Variants in HLCS observed in about 807,000 individuals in gnomAD.
The protein encoded by HLCS is holocarboxylase synthetase.
HLCS carries 53 observed loss-of-function variants against 75.0 expected under a neutral mutation model. The ratio of observed to expected loss-of-function variants is 0.71; its 90% CI spans 0.57 to 0.89. The LOEUF is 0.89. HLCS is among the 40% of genes least tolerant of loss of function. The probability of loss-of-function intolerance (pLI) is 0.00; values close to 1 mark genes in which losing one functional copy is unlikely to be tolerated. For synonymous variants in HLCS, 431 were observed against 428.6 expected, an observed-to-expected ratio of 1.01 and a Z score of -0.07; for missense variants, 966 against 1,074.0, an observed-to-expected ratio of 0.90 and a Z score of 1.41.
At chr21:36,884,049 C>T (rs2064344060) in intron 6 of HLCS, among the ~76,000 whole-genome samples, 2 of 152,176 alleles carry the variant, frequency 1.3e-5, no homozygotes, top group African/African-American at 4.8e-5. Context: ...GTCACCCAGA[C>T]CCGGAGAGAG....
At chr21:36,972,075 C>T (rs1232069974) in intron 1 of HLCS, 2 of 152,098 alleles carry the variant, frequency 1.3e-5, no homozygotes, top group African/African-American at 2.4e-5. Context: ...AGCACAGAGT[C>T]GCGGGAGAGA....
At chr21:36,931,100 A>G (rs1187367869) in intron 4 of HLCS, among the ~76,000 whole-genome samples, 1 of 152,176 alleles carries the variant, frequency 6.6e-6, no homozygotes, top group African/African-American at 2.4e-5. Flanking sequence ...CCTGACCAAC[A>G]TGGAGAAACC....
chr21:36,784,577 A>C (rs1241737675), intron 6 of HLCS, among the ~76,000 whole-genome samples: 1 of 152,000 alleles, frequency 6.6e-6, no homozygotes, highest in East Asian at 1.9e-4. Flanking sequence ...CAGCTTCCGA[A>C]AGTGCTAGGA....
At chr21:36,776,964 G>A (rs755660280) in intron 6 of HLCS, among the ~76,000 whole-genome samples, 4 of 152,066 alleles carry the variant, frequency 2.6e-5, no homozygotes, top group Non-Finnish European at 5.9e-5. Flanking sequence ...AGCAACTTTA[G>A]GTTTACAGAA....
rs1333061358 is a variant in HLCS, at chr21:36,888,471, T to A, written c.1892+8389A>T. Among the ~76,000 whole-genome samples the A allele has an allele frequency of 8.5e-3, 954 of 111,960 alleles. 42 individuals are homozygous for A. Among genetic ancestry groups the A allele is most frequent in the African/African-American group, 0.02 (535 of 27,058 alleles). 73.5% of individuals were successfully genotyped at this position (111,960 alleles called of 152,430 possible). A position where few individuals can be genotyped will look rare whatever the true frequency, so the allele number is the denominator to read the frequency against. On this transcript the variant is annotated intron_variant, in intron 6 of 10. Transcript: ENST00000674895. The stretch of plus-strand genomic sequence containing the variant: ...ATATATATATATATATATATATATA[T>A]ATATATATATATATATATATATATA...
intron 10 of HLCS, among the ~76,000 whole-genome samples, chr21:36,754,691 G>A (rs1601089470): frequency 6.6e-6 from 1 of 152,184 alleles, no homozygotes; most frequent in East Asian, 1.9e-4. Context: ...GTCATCTGCG[G>A]TGATGGCTGG....
chr21:36,858,642 T>A (rs1892912), intron 6 of HLCS, among the ~76,000 whole-genome samples: 1 of 152,160 alleles, frequency 6.6e-6, no homozygotes, highest in Non-Finnish European at 1.5e-5. Flanking sequence ...CATCAAGGGC[T>A]GAGGAGGCCT....
At position 36,753,039 on chromosome 21, in the gene HLCS, T is replaced by C. The variant is rs1397580921; in HGVS notation, c.*1207A>G. ...AGATAGGAGGGACATGGAAAAGGCA[T>C]GGCGTACATCTGGGAATAGCGAATG... On this transcript the variant is annotated 3_prime_UTR_variant, in exon 11 of 11. Coordinates refer to ENST00000674895, the MANE Select transcript of HLCS (RefSeq NM_001352514.2). This position sits in a 1 kb window ranked among gnomAD's most constrained non-coding sequence, Gnocchi z 4.3. 2 of 152,694 alleles carry C rather than the reference T, an allele frequency of 1.3e-5. No individual in the cohort carries two copies. Among genetic ancestry groups the C allele is most frequent in the Non-Finnish European group, 2.9e-5 (2 of 68,050 alleles). The allele number at this position is 152,694 out of a possible 1,614,324, so 9.5% of individuals were successfully genotyped here. A position where few individuals can be genotyped will look rare whatever the true frequency, so the allele number is the denominator to read the frequency against.
At chr21:36,916,217 A>G (rs1479172778) in intron 5 of HLCS, among the ~76,000 whole-genome samples, 3 of 152,196 alleles carry the variant, frequency 2.0e-5, no homozygotes, top group Admixed American at 2.0e-4. Flanking sequence ...GCAAGAAAAA[A>G]TTCAAATCCT....
At chr21:36,957,929 GAAA>G (rs58789618) in intron 2 of HLCS, among the ~76,000 whole-genome samples, 2 of 64,394 alleles carry the variant, frequency 3.1e-5, no homozygotes. Flanking sequence ...ACTGCGTCTC[GAAA>G]AAAAAAAAAA....
At position 36,756,687 on chromosome 21, in the gene HLCS, T is replaced by C; in HGVS notation, c.2305A>G (p.Lys769Glu). Residue 769 changes from lysine (K) to glutamate (E), a missense_variant, in exon 10 of 11, where the codon AAA (lysine) becomes GAA (glutamate). Transcript: ENST00000674895. ...GGCTTCAGTTCTGCCTTGTGTTGTT[T>C]ATTGTATTCTGTGATGAGGTCGTTG... ...CINDLITEYN[K>E]QHKAELKPLR... is the part of the protein sequence containing the mutation. The C allele has an allele frequency of 6.2e-7, 1 of 1,614,154 alleles. No homozygotes were observed. Among genetic ancestry groups the C allele is most frequent in the South Asian group, 1.1e-5 (1 of 91,074 alleles).
At chr21:36,848,102 T>A (rs1315013735) in intron 6 of HLCS, among the ~76,000 whole-genome samples, 1 of 152,106 alleles carries the variant, frequency 6.6e-6, no homozygotes, top group African/African-American at 2.4e-5. Context: ...ATATAAAACT[T>A]TGCATCACTT....
intron 5 of HLCS, among the ~76,000 whole-genome samples, chr21:36,916,252 G>C (rs1261345140): frequency 1.3e-5 from 2 of 152,090 alleles, no homozygotes; most frequent in African/African-American, 4.8e-5. Flanking sequence ...ATCATCAGTG[G>C]AATTTTCCTA....
At chr21:36,930,580 AACGATCCTCCC>A in intron 4 of HLCS, 147 bp from the exon 5 acceptor site, 1 of 714,252 alleles carries the variant, frequency 1.4e-6, no homozygotes, top group African/African-American at 1.8e-5. Context: ...CCTGGGCTCA[AACGATCCTCCC>A]ACCTCAGCCT....
At chr21:36,906,958 G>A (rs1308791741) in intron 5 of HLCS, among the ~76,000 whole-genome samples, 1 of 152,032 alleles carries the variant, frequency 6.6e-6, no homozygotes, top group East Asian at 1.9e-4. Flanking sequence ...CACCCAGTGG[G>A]GAGTGCAGTG....
intron 2 of HLCS, among the ~76,000 whole-genome samples, chr21:36,947,114 G>A (rs1347562377): frequency 1.3e-5 from 2 of 152,184 alleles, no homozygotes; most frequent in Non-Finnish European, 2.9e-5. Context: ...CTCAGCCAAT[G>A]GAGACTCAAC....
chr21:36,859,834 C>T (rs2063323353), intron 6 of HLCS, among the ~76,000 whole-genome samples: 1 of 152,246 alleles, frequency 6.6e-6, no homozygotes, highest in Admixed American at 6.5e-5. Flanking sequence ...CCTTCAGCAG[C>T]AATGCTGCTC....
chr21:36,771,996 C>CAA (rs398061730), intron 6 of HLCS, among the ~76,000 whole-genome samples: 26 of 107,384 alleles, frequency 2.4e-4, no homozygotes, highest in Middle Eastern at 0.011. Context: ...GACTCCAACT[C>CAA]AAAAAAAAAA....
At chr21:36,806,471 A>G (rs992689807) in intron 6 of HLCS, among the ~76,000 whole-genome samples, 1 of 150,184 alleles carries the variant, frequency 6.7e-6, no homozygotes, top group Non-Finnish European at 1.5e-5. Flanking sequence ...GAGGTTTCCG[A>G]AAAAAAAACC....
Sources: allele counts gnomAD v4.1 joint callset (sites outside exome capture counted in the v4.1 genomes callset), GRCh38; gene constraint gnomAD v4.1.1; non-coding constraint Gnocchi (gnomAD v3.1); transcripts MANE v1.5; gene names NCBI Gene and HGNC (gene_info 2026-07-23, HGNC 2026-07-21).